Variants in KIF24 observed in about 807,000 individuals in gnomAD.
The protein encoded by KIF24 is kinesin family member 24, also known as kinesin-like protein KIF24.
KIF24 carries 81 observed loss-of-function variants against 118.9 expected under a neutral mutation model. The ratio of observed to expected loss-of-function variants is 0.68; its 90% CI spans 0.57 to 0.82. The LOEUF (loss-of-function observed/expected upper bound fraction) is 0.82, where lower values mean the gene tolerates loss of function less well. Ranked by LOEUF, KIF24 falls within the 40% of genes least tolerant of loss-of-function variation. KIF24 has a pLI of 0.00. For missense variants in KIF24, 1,560 were observed against 1,661.6 expected (o/e 0.94, Z 1.06); for synonymous variants, 599 against 610.0 (o/e 0.98, Z 0.27).
At chr9:34,332,428 T>C (rs1388648088), upstream of KIF24, among the ~76,000 whole-genome samples, 4 of 152,218 alleles carry the variant, frequency 2.6e-5, no homozygotes, top group Non-Finnish European at 2.9e-5. Context: ...CACTAGCCTG[T>C]AAATCTCTAG....
At chr9:34,331,725 T>C (rs1383289463), upstream of KIF24, among the ~76,000 whole-genome samples, 1 of 152,198 alleles carries the variant, frequency 6.6e-6, no homozygotes, top group Non-Finnish European at 1.5e-5. Context: ...CCTTGGGAAA[T>C]GAAGAGATAG....
chr9:34,312,978 C>T (rs1837218393), intron 1 of KIF24, among the ~76,000 whole-genome samples: 1 of 152,176 alleles, frequency 6.6e-6, no homozygotes, highest in Admixed American at 6.6e-5. Context: ...GGATTACAGG[C>T]GTGAGCCACC....
At position 34,256,586 on chromosome 9, in the gene KIF24, A is replaced by T. The variant is rs116061961; in HGVS notation, c.3021T>A (p.Pro1007=). The T allele has an allele frequency of 1.5e-3, 2,352 of 1,613,900 alleles. 36 individuals carry two copies. The African/African-American group carries it at 0.027, about 18-fold the overall frequency. ...SPDQRDTVTT[P]LREVSADGPI... is the part of the protein sequence containing the mutation. ...GGCCGTCTGCACTGACTTCTCTCAGAGGTGTGGTGACTGTGTCTCTTTGGT... is the reference window on the plus strand; with the variant it reads ...GGCCGTCTGCACTGACTTCTCTCAGTGGTGTGGTGACTGTGTCTCTTTGGT... Residue 1007 remains proline, a synonymous_variant, in exon 11 of 13, where the codon CCT becomes CCA. Coordinates refer to ENST00000402558, the MANE Select transcript of KIF24 (RefSeq NM_194313.4).
intron 1 of KIF24, among the ~76,000 whole-genome samples, chr9:34,312,725 G>A (rs1044279276): frequency 3.3e-5 from 5 of 152,106 alleles, no homozygotes; most frequent in African/African-American, 1.2e-4. Flanking sequence ...TTGAGATGGA[G>A]TTTCACTCTG....
intron 4 of KIF24, among the ~76,000 whole-genome samples, chr9:34,292,734 G>C (rs1414444851): frequency 6.6e-6 from 1 of 152,190 alleles, no homozygotes; most frequent in African/African-American, 2.4e-5. Context: ...TTTGCCTTTT[G>C]AACCCTGGCT....
chr9:34,310,481 G>A (rs1442936194), intron 2 of KIF24, among the ~76,000 whole-genome samples: 2 of 152,108 alleles, frequency 1.3e-5, no homozygotes, highest in Non-Finnish European at 2.9e-5. Flanking sequence ...ATCCTGGCAA[G>A]TAGCAGCTGT....
chr9:34,327,108 C>T lies in KIF24; in HGVS notation c.-26+1998G>A, dbSNP rs543407708. 4.6e-5 allele frequency among the ~76,000 whole-genome samples: 7 copies of T among 152,160 alleles called. 1 individual carries two copies. The South Asian group carries it at 1.5e-3, about 32-fold the overall frequency. ...TACAGAAAACTCTTCTTATTCAACA[C>T]GATATGAACATCAAAACCCTTGAGA... On this transcript the variant is annotated intron_variant, in intron 1 of 12. Coordinates refer to ENST00000402558, the MANE Select transcript of KIF24 (RefSeq NM_194313.4).
Position 34,324,771 on chromosome 9 carries a change from G to A in KIF24, c.-26+4335C>T, listed in dbSNP as rs146458998. Among the ~76,000 whole-genome samples the A allele has an allele frequency of 2.1e-3, 322 of 152,186 alleles. 2 individuals are homozygous for A. The highest frequency in any genetic ancestry group is 7.4e-3 in the African/African-American group (306 of 41,536). On this transcript the variant is annotated intron_variant, in intron 1 of 12. Transcript: ENST00000402558. ...TACAGTTTAGTCAACTTCTTAGACCGTTTTATTTCTCTGTGCATTCATTCA... is the reference window on the plus strand; with the variant it reads ...TACAGTTTAGTCAACTTCTTAGACCATTTTATTTCTCTGTGCATTCATTCA...
At chr9:34,298,429 C>T (rs1836568361) in intron 3 of KIF24, among the ~76,000 whole-genome samples, 2 of 151,720 alleles carry the variant, frequency 1.3e-5, no homozygotes, top group Admixed American at 6.6e-5. Context: ...GCCTGTAATC[C>T]CAGCTACTTG....
At chr9:34,314,003 G>A (rs564432286) in intron 1 of KIF24, among the ~76,000 whole-genome samples, 16 of 150,470 alleles carry the variant, frequency 1.1e-4, no homozygotes, top group African/African-American at 3.9e-4. Context: ...TGACCCTCCT[G>A]CCTCAGCCTC....
At chr9:34,258,192 G>C (rs778676094) in intron 10 of KIF24, among the ~76,000 whole-genome samples, 2 of 152,190 alleles carry the variant, frequency 1.3e-5, no homozygotes, top group African/African-American at 4.8e-5. Flanking sequence ...GTGTTGGCTG[G>C]TTGTAGTGGC....
Position 34,256,487 on chromosome 9 carries a change from C to G in KIF24, c.3120G>C (p.Thr1040=). The G allele has an allele frequency of 6.2e-7, 1 of 1,613,806 alleles. No individual in the cohort carries two copies. Among genetic ancestry groups the G allele is most frequent in the South Asian group, 1.1e-5 (1 of 91,082 alleles). The change falls in exon 11 of 13, where the codon ACG becomes ACC. Residue 1040 remains threonine (T), a synonymous_variant. Transcript: ENST00000402558. ...PGEDPRGQLG[T]HAEYASGLMS... is the part of the protein sequence containing the mutation. ...TGAGTCCAGAAGCATATTCAGCATG[C>G]GTGCCTAACTGCCCCCTAGGATCCT...
chr9:34,331,086 G>A (rs1326519689), upstream of KIF24, among the ~76,000 whole-genome samples: 2 of 152,302 alleles, frequency 1.3e-5, no homozygotes, highest in Admixed American at 6.5e-5. Flanking sequence ...GGGAAAAAAG[G>A]TAATTCTTAC....
chr9:34,254,120 C>T lies in KIF24; in HGVS notation c.*260G>A, dbSNP rs57848047. 11,442 of 369,162 alleles carry T rather than the reference C, an allele frequency of 0.031. 813 individuals carry two copies. Among genetic ancestry groups the T allele is most frequent in the East Asian group, 0.22 (5,216 of 23,602 alleles). 22.9% of individuals were successfully genotyped at this position (369,162 alleles called of 1,614,324 possible). A position where few individuals can be genotyped will look rare whatever the true frequency, so the allele number is the denominator to read the frequency against. ...GTTAGTTAATCATATTCTCTAGGCA[C>T]AAGGGAAAGGCATTAGGTTCTTCGG... On this transcript the variant is annotated 3_prime_UTR_variant, in exon 13 of 13. Transcript: ENST00000402558.
chr9:34,257,460 A>G lies in KIF24; in HGVS notation c.2147T>C (p.Leu716Pro). 1 of 1,614,074 alleles carries G rather than the reference A, an allele frequency of 6.2e-7. No individual in the cohort carries two copies. The highest frequency in any genetic ancestry group is 2.2e-5 in the East Asian group (1 of 44,882). Reference protein sequence around the residue: ...VQTVQPVQKQLVSRVELSFGN... With the variant: ...VQTVQPVQKQPVSRVELSFGN... The stretch of plus-strand genomic sequence containing the variant: ...AAAGGAGAGCTCAACTCGAGACACA[A>G]GCTGCTTCTGTACTGGCTGCACTGT... Residue 716 changes from leucine (L) to proline (P), a missense_variant, in exon 11 of 13, where the codon CTT (leucine) becomes CCT (proline). Around this residue, in one of 3 missense-constraint regions of KIF24, gnomAD observed 964 missense variants for 988.0 expected, o/e 0.98. Transcript: ENST00000402558.
intron 3 of KIF24, among the ~76,000 whole-genome samples, chr9:34,300,207 A>G (rs1171942799): frequency 6.6e-6 from 1 of 151,266 alleles, no homozygotes. Context: ...GAAGAATAAT[A>G]GATGTGTGAA....
chr9:34,297,411 G>A (rs1836526512), intron 3 of KIF24, among the ~76,000 whole-genome samples: 2 of 152,212 alleles, frequency 1.3e-5, no homozygotes, highest in Admixed American at 6.5e-5. Context: ...AGGAGAGAAA[G>A]TGAATTCTAT....
upstream of KIF24, among the ~76,000 whole-genome samples, chr9:34,330,220 G>A (rs915201389): frequency 1.3e-5 from 2 of 152,118 alleles, no homozygotes; most frequent in Admixed American, 6.5e-5. Flanking sequence ...TGGCTAACAC[G>A]GTGAAACCCC....
chr9:34,300,202 A>G (rs1416031387), intron 3 of KIF24, among the ~76,000 whole-genome samples: 1 of 151,720 alleles, frequency 6.6e-6, no homozygotes, highest in Non-Finnish European at 1.5e-5. Context: ...AATCTGAAGA[A>G]TAATAGATGT....
Sources: allele counts gnomAD v4.1 joint callset (sites outside exome capture counted in the v4.1 genomes callset), GRCh38; gene constraint gnomAD v4.1.1; regional missense constraint gnomAD v4.1.1; transcripts MANE v1.5; gene names NCBI Gene and HGNC (gene_info 2026-07-23, HGNC 2026-07-21).